SLC16A7: variants seen among roughly 807,000 people sequenced by gnomAD.
The protein encoded by SLC16A7 is monocarboxylate transporter 2.
In SLC16A7, 33 loss-of-function variants were observed where a neutral mutation model predicts 34.9. The ratio of observed to expected loss-of-function variants is 0.94; its 90% CI spans 0.72 to 1.26. The LOEUF is 1.26. Among genes scored for constraint, SLC16A7 ranks in the 50% most tolerant of loss-of-function variants. The pLI is 0.00. For synonymous variants in SLC16A7, 201 were observed against 206.6 expected, an observed-to-expected ratio of 0.97 and a Z score of 0.23; for missense variants, 573 against 578.1, an observed-to-expected ratio of 0.99 and a Z score of 0.09.
intron 3 of SLC16A7, chr12:59,733,751 T>C: frequency 2.2e-6 from 1 of 456,008 alleles, no homozygotes; most frequent in South Asian, 1.5e-5. Context: ...CCAGGAAGAA[T>C]GAAGCACATG....
intron 3 of SLC16A7, among the ~76,000 whole-genome samples, chr12:59,713,129 C>T (rs551829447): frequency 8.0e-4 from 122 of 152,138 alleles, no homozygotes; most frequent in African/African-American, 2.9e-3. Context: ...AAGTAATTCT[C>T]CCTCCTCAGC....
intron 1 of SLC16A7, among the ~76,000 whole-genome samples, chr12:59,649,087 G>T (rs1041928914): frequency 7.2e-5 from 11 of 152,144 alleles, no homozygotes; most frequent in African/African-American, 2.4e-4. Context: ...ATGGAAGTAG[G>T]ATTATTCTGA....
chr12:59,653,051 A>C (rs1342956362), intron 1 of SLC16A7, among the ~76,000 whole-genome samples: 1 of 151,870 alleles, frequency 6.6e-6, no homozygotes, highest in Non-Finnish European at 1.5e-5. Flanking sequence ...ATTGTTTTAC[A>C]TATTAGCCCA....
chr12:59,751,063 G>T (rs892007572), intron 3 of SLC16A7, among the ~76,000 whole-genome samples: 2 of 151,962 alleles, frequency 1.3e-5, no homozygotes, highest in Admixed American at 1.3e-4. Context: ...GCCTGTCGGG[G>T]GGCGGGGGGC....
At chr12:59,756,039 A>T (rs558434424) in intron 3 of SLC16A7, among the ~76,000 whole-genome samples, 1 of 152,230 alleles carries the variant, frequency 6.6e-6, no homozygotes, top group South Asian at 2.1e-4. Context: ...GGTGCTGGGA[A>T]AACTGGCTAG....
At chr12:59,710,334 G>A (rs1349181708) in intron 3 of SLC16A7, among the ~76,000 whole-genome samples, 1 of 152,152 alleles carries the variant, frequency 6.6e-6, no homozygotes, top group African/African-American at 2.4e-5. Context: ...AGTCTTCATG[G>A]AATAAAAGTG....
chr12:59,607,250 A>G (rs1029862691), intron 1 of SLC16A7, among the ~76,000 whole-genome samples: 3 of 152,196 alleles, frequency 2.0e-5, no homozygotes, highest in Non-Finnish European at 2.9e-5. Flanking sequence ...AACAAGTGAA[A>G]TTTATTTTGG....
At chr12:59,659,965 G>C (rs892145485) in intron 2 of SLC16A7, among the ~76,000 whole-genome samples, 3 of 152,144 alleles carry the variant, frequency 2.0e-5, no homozygotes, top group Admixed American at 1.3e-4. Flanking sequence ...GGGTAAGAGA[G>C]GTTAGATAAT....
intron 2 of SLC16A7, among the ~76,000 whole-genome samples, chr12:59,673,658 C>T (rs1368265216): frequency 2.6e-5 from 4 of 152,096 alleles, no homozygotes; most frequent in Non-Finnish European, 5.9e-5. Context: ...TAAAATATTG[C>T]AATATTCATT....
At chr12:59,723,782 C>T (rs1450982712) in intron 3 of SLC16A7, among the ~76,000 whole-genome samples, 1 of 151,922 alleles carries the variant, frequency 6.6e-6, no homozygotes, top group Non-Finnish European at 1.5e-5. Context: ...ATCTGAAAAT[C>T]CTTCAGCTAT....
At chr12:59,691,873 C>A (rs1406682900) in intron 2 of SLC16A7, among the ~76,000 whole-genome samples, 2 of 151,930 alleles carry the variant, frequency 1.3e-5, no homozygotes, top group Non-Finnish European at 2.9e-5. Context: ...CATACCTGTG[C>A]AATTGTGCCT....
At chr12:59,672,071 GTA>G (rs1476800844) in intron 2 of SLC16A7, among the ~76,000 whole-genome samples, 304 of 314 alleles carry the variant, frequency 0.97, 151 homozygotes, top group South Asian at 1. Context: ...GCATATATCC[GTA>G]TATATATGTG....
intron 1 of SLC16A7, among the ~76,000 whole-genome samples, chr12:59,608,723 G>A (rs995636942): frequency 6.6e-6 from 1 of 152,106 alleles, no homozygotes; most frequent in Admixed American, 6.6e-5. Flanking sequence ...AAAAATACTT[G>A]TATGAGGAAA....
chr12:59,746,904 C>T (rs1451915228), intron 3 of SLC16A7, among the ~76,000 whole-genome samples: 1 of 152,158 alleles, frequency 6.6e-6, no homozygotes, highest in Non-Finnish European at 1.5e-5. Context: ...ACGATCATAG[C>T]TTGCTGCAGT....
intron 1 of SLC16A7, among the ~76,000 whole-genome samples, chr12:59,610,279 A>G (rs1235718502): frequency 3.3e-5 from 5 of 152,200 alleles, no homozygotes; most frequent in African/African-American, 4.8e-5. Flanking sequence ...TTCAAAAAAC[A>G]AAAGGCAAAC....
intron 1 of SLC16A7, among the ~76,000 whole-genome samples, chr12:59,604,132 A>C (rs566084069): frequency 2.6e-5 from 4 of 152,224 alleles, no homozygotes; most frequent in Non-Finnish European, 5.9e-5. Flanking sequence ...ATTCAACTTT[A>C]GGAAAGTCCA....
chr12:59,659,286 G>C (rs529980052), intron 2 of SLC16A7, among the ~76,000 whole-genome samples: 2 of 152,106 alleles, frequency 1.3e-5, no homozygotes, highest in East Asian at 3.9e-4. Context: ...TATTTAGCAG[G>C]TATGAGTACA....
intron 3 of SLC16A7, among the ~76,000 whole-genome samples, chr12:59,707,458 G>C (rs896622284): frequency 1.3e-5 from 2 of 151,656 alleles, no homozygotes; most frequent in African/African-American, 4.8e-5. Context: ...ATTATAAAAA[G>C]TAAATATACT....
At position 59,779,446 on chromosome 12, in the gene SLC16A7, G is replaced by T; in HGVS notation, c.1204G>T (p.Glu402Ter). 1 of 1,599,914 alleles carries T rather than the reference G, an allele frequency of 6.3e-7. No homozygotes were observed. The highest frequency in any genetic ancestry group is 8.5e-7 in the Non-Finnish European group (1 of 1,172,056). Residue 402 changes from glutamate (E) to a stop codon, truncating the protein, a stop_gained, in exon 6 of 6, where the codon GAA (glutamate) becomes TAA (stop). Transcript: ENST00000547379. LOFTEE classifies it high-confidence loss of function. ...AGGTAAATTGGTGGATTTAACTGGA[G>T]AATATAAATACATGTACATGTCCTG... The part of the protein sequence containing the change: ...LAGKLVDLTG[E>*]YKYMYMSCGA...
Sources: allele counts gnomAD v4.1 joint callset (sites outside exome capture counted in the v4.1 genomes callset), GRCh38; gene constraint gnomAD v4.1.1; transcripts MANE v1.5; gene names NCBI Gene and HGNC (gene_info 2026-07-23, HGNC 2026-07-21).